The following TSHZ2 variants were observed in gnomAD, a reference collection of about 807,000 sequenced individuals.
TSHZ2 encodes teashirt homolog 2.
A neutral mutation model predicts 74.4 loss-of-function variants in TSHZ2; 21 were observed. The observed-to-expected ratio is 0.28, with a 90% confidence interval of 0.20 to 0.41. The LOEUF (loss-of-function observed/expected upper bound fraction) is 0.41, where lower values mean the gene tolerates loss of function less well. Ranked by LOEUF, TSHZ2 falls within the 10% of genes least tolerant of loss-of-function variation. The pLI is 1.00. For synonymous variants in TSHZ2, 540 were observed against 515.3 expected (o/e 1.05, Z -0.65); for missense variants, 1,244 against 1,293.5 (o/e 0.96, Z 0.59).
intron 2 of TSHZ2, among the ~76,000 whole-genome samples, chr20:53,460,299 C>G (rs988040745): frequency 6.6e-6 from 1 of 152,250 alleles, no homozygotes; most frequent in South Asian, 2.1e-4. Context: ...CGCTTCATTT[C>G]ATCTTCCATC....
At chr20:53,059,455 C>G (rs986474906) in intron 1 of TSHZ2, among the ~76,000 whole-genome samples, 1 of 152,014 alleles carries the variant, frequency 6.6e-6, no homozygotes, top group Non-Finnish European at 1.5e-5. Flanking sequence ...AAAATAAATA[C>G]CCCCGTCCCT....
At chr20:53,486,030 G>A (rs1213359761) in intron 2 of TSHZ2, among the ~76,000 whole-genome samples, 1 of 152,116 alleles carries the variant, frequency 6.6e-6, no homozygotes, top group Non-Finnish European at 1.5e-5. Flanking sequence ...TGCTCTGAGT[G>A]AACAAGAATT....
At chr20:53,331,931 G>C (rs945821535) in intron 2 of TSHZ2, among the ~76,000 whole-genome samples, 1 of 152,096 alleles carries the variant, frequency 6.6e-6, no homozygotes, top group Non-Finnish European at 1.5e-5. Context: ...AGTGACTCTC[G>C]GTCAGGGGTT....
At chr20:53,342,835 G>A (rs1980263827) in intron 2 of TSHZ2, among the ~76,000 whole-genome samples, 1 of 151,954 alleles carries the variant, frequency 6.6e-6, no homozygotes, top group African/African-American at 2.4e-5. Flanking sequence ...AACATCTACA[G>A]CAGGGTTTCT....
chr20:53,142,334 C>A (rs927463620), intron 1 of TSHZ2, among the ~76,000 whole-genome samples: 4 of 152,156 alleles, frequency 2.6e-5, no homozygotes, highest in Non-Finnish European at 5.9e-5. Context: ...CGGTTCAGAC[C>A]GGAAGAACAG....
intron 1 of TSHZ2, among the ~76,000 whole-genome samples, chr20:53,038,896 G>GTTTTTTTTT (rs374364980): frequency 2.1e-4 from 29 of 140,472 alleles, no homozygotes; most frequent in African/African-American, 8.1e-4. Context: ...TTGTTTGTTT[G>GTTTTTTTTT]TTTGTTTGTT....
At chr20:52,998,509 G>A (rs1309819884) in intron 1 of TSHZ2, among the ~76,000 whole-genome samples, 5 of 152,170 alleles carry the variant, frequency 3.3e-5, no homozygotes, top group Non-Finnish European at 4.4e-5. Context: ...GCCTTCACAT[G>A]GTTCATATAT....
Position 53,201,955 on chromosome 20 carries a change from C to A in TSHZ2, c.41-51544C>A, listed in dbSNP as rs151002529. Among the ~76,000 whole-genome samples, 6 of 152,322 alleles carry A rather than the reference C, an allele frequency of 3.9e-5. No homozygotes were observed. The South Asian group carries it at 1.0e-3, about 26-fold the overall frequency. ...GAGAAGGCCAGAAGTGATTGGATCC[C>A]AGTTGTATTCCAAAGGCAGTACTGA... is the stretch of plus-strand genomic sequence containing the variant. On this transcript the variant is annotated intron_variant, in intron 1 of 2. Coordinates refer to ENST00000371497, the MANE Select transcript of TSHZ2 (RefSeq NM_173485.6).
At chr20:53,070,851 C>A (rs1335497774) in intron 1 of TSHZ2, among the ~76,000 whole-genome samples, 2 of 152,102 alleles carry the variant, frequency 1.3e-5, no homozygotes, top group Non-Finnish European at 2.9e-5. Context: ...GACATGTGGG[C>A]GTGTTCTTCA....
intron 2 of TSHZ2, among the ~76,000 whole-genome samples, chr20:53,367,482 T>G (rs1456491518): frequency 6.6e-6 from 1 of 152,226 alleles, no homozygotes; most frequent in Non-Finnish European, 1.5e-5. Context: ...TGGGGTTGAC[T>G]TTACTGATCC....
At position 53,487,671 on chromosome 20, in the gene TSHZ2, C is replaced by A. The variant is rs2145865230; in HGVS notation, c.*536C>A. On this transcript the variant is annotated 3_prime_UTR_variant, in exon 3 of 3. Transcript: ENST00000371497. Reference sequence around the variant, plus strand: ...AAGGAAATGTTTCTGTTCAGTGTAACAATTACAGTTGCACCTGGATTGCCC... The same window carrying A: ...AAGGAAATGTTTCTGTTCAGTGTAAAAATTACAGTTGCACCTGGATTGCCC... The A allele has an allele frequency of 6.6e-6, 1 of 152,284 alleles. No individual in the cohort carries two copies. Among genetic ancestry groups the A allele is most frequent in the South Asian group, 2.1e-4 (1 of 4,824 alleles). The allele number at this position is 152,284 out of a possible 1,614,324, so 9.4% of individuals were successfully genotyped here.
chr20:52,984,456 G>A (rs1375403280), intron 1 of TSHZ2, among the ~76,000 whole-genome samples: 1 of 152,210 alleles, frequency 6.6e-6, no homozygotes, highest in Non-Finnish European at 1.5e-5. Flanking sequence ...GCGGTTGGAA[G>A]AAAACTGCAC....
chr20:53,164,776 C>A (rs1486136497), intron 1 of TSHZ2, among the ~76,000 whole-genome samples: 1 of 152,188 alleles, frequency 6.6e-6, no homozygotes, highest in East Asian at 1.9e-4. Flanking sequence ...CTAACAATAT[C>A]CCCTTTTCCC....
chr20:53,125,340 T>C (rs1986918684), intron 1 of TSHZ2, among the ~76,000 whole-genome samples: 1 of 152,196 alleles, frequency 6.6e-6, no homozygotes, highest in Non-Finnish European at 1.5e-5. Context: ...TGAGTGGCCT[T>C]GGGCATGTTA....
rs367832000 is a variant in TSHZ2 at position 53,183,466 on chromosome 20, G to A, written c.41-70033G>A. 1.6e-4 allele frequency among the ~76,000 whole-genome samples: 25 copies of A among 152,302 alleles called. No homozygotes were observed. The East Asian group carries it at 2.1e-3, about 13-fold the overall frequency. ...ATGCAGAGCAGGTGGAAGCCAAAGC[G>A]GGGCATAGCCAGGGATTGTGGCAGG... On this transcript the variant is annotated intron_variant, in intron 1 of 2. Coordinates refer to ENST00000371497, the MANE Select transcript of TSHZ2 (RefSeq NM_173485.6).
chr20:53,489,142 G>A lies in TSHZ2; in HGVS notation c.*2007G>A, dbSNP rs1180013738. The A allele has an allele frequency of 2.2e-6, 1 of 456,244 alleles. No homozygotes were observed. Among genetic ancestry groups the A allele is most frequent in the Non-Finnish European group, 4.4e-6 (1 of 226,976 alleles). The allele number at this position is 456,244 out of a possible 1,614,324, so 28.3% of individuals were successfully genotyped here. A position where few individuals can be genotyped will look rare whatever the true frequency, so the allele number is the denominator to read the frequency against. On this transcript the variant is annotated 3_prime_UTR_variant, in exon 3 of 3. Transcript: ENST00000371497. ...AAAATAGCAACAGTACAACGGGGTG[G>A]CTTTTATGGGATTTACTCATGGGCA...
intron 1 of TSHZ2, among the ~76,000 whole-genome samples, chr20:53,111,824 G>C (rs1362859233): frequency 3.9e-5 from 6 of 152,262 alleles, no homozygotes; most frequent in Admixed American, 2.0e-4. Flanking sequence ...CCTTAACTCA[G>C]GGTTGTGGGA....
intron 2 of TSHZ2, among the ~76,000 whole-genome samples, chr20:53,321,300 G>A (rs1054984954): frequency 6.6e-6 from 1 of 151,722 alleles, no homozygotes; most frequent in Non-Finnish European, 1.5e-5. Flanking sequence ...AATTTCGCTG[G>A]TCTGTCTCTT....
chr20:52,976,913 C>T (rs1981360795), intron 1 of TSHZ2, among the ~76,000 whole-genome samples: 1 of 152,162 alleles, frequency 6.6e-6, no homozygotes, highest in Admixed American at 6.5e-5. Flanking sequence ...AAGAACAGCT[C>T]CCTCAATTTA....
Sources: gnomAD v4.1 joint callset for allele counts (sites outside exome capture counted in the v4.1 genomes callset) on GRCh38, gnomAD v4.1.1 for gene constraint, MANE v1.5 for transcripts, NCBI Gene and HGNC (gene_info 2026-07-23, HGNC 2026-07-21) for gene names.